LRRC36: variants seen among roughly 807,000 people sequenced by gnomAD.
LRRC36 encodes the protein leucine-rich repeat-containing protein 36.
A neutral mutation model predicts 81.1 loss-of-function variants in LRRC36; 62 were observed. The observed-to-expected ratio is 0.76, with a 90% CI of 0.62 to 0.94. LRRC36 has a LOEUF of 0.94. Among genes scored for constraint, LRRC36 ranks in the 40% least tolerant of loss-of-function variants. The pLI, the probability that LRRC36 is intolerant of heterozygous loss-of-function variation, is 0.00. For missense variants in LRRC36, 761 were observed against 881.7 expected (o/e 0.86, Z 1.73); for synonymous variants, 334 against 348.6 (o/e 0.96, Z 0.47).
intron 1 of LRRC36, among the ~76,000 whole-genome samples, chr16:67,329,248 GT>G (rs2037356530): frequency 6.6e-6 from 1 of 152,056 alleles, no homozygotes; most frequent in Non-Finnish European, 1.5e-5. Context: ...TTAAAAAAAA[GT>G]CACATATGCA....
rs143151682 is a variant in LRRC36 at position 67,385,056 on chromosome 16, C to A, written c.2232C>A (p.Ser744Arg). The A allele has an allele frequency of 2.5e-6, 4 of 1,613,884 alleles. No homozygotes were observed. The highest frequency in any genetic ancestry group is 3.4e-6 in the Non-Finnish European group (4 of 1,179,996). ...AHETGQYLIQ[S>R]VLDAAPEPGL Reference sequence around the variant, plus strand: ...AGACTGGTCAGTATCTAATACAGAGCGTCTTGGATGCTGCCCCAGAGCCTG... The same window carrying A: ...AGACTGGTCAGTATCTAATACAGAGAGTCTTGGATGCTGCCCCAGAGCCTG... The change falls in exon 14 of 14, where the codon AGC becomes AGA. Residue 744 changes from serine to arginine, a missense_variant. Around this residue, in one of 3 missense-constraint regions of LRRC36, gnomAD observed 359 missense variants for 388.4 expected, o/e 0.92. Transcript: ENST00000329956.
At chr16:67,362,397 A>G (rs1240569612) in intron 5 of LRRC36, 4 of 269,602 alleles carry the variant, frequency 1.5e-5, no homozygotes, top group Non-Finnish European at 3.0e-5. Context: ...TCCTGACCTC[A>G]TCATCCGCCC....
intron 5 of LRRC36, among the ~76,000 whole-genome samples, chr16:67,357,148 CA>C (rs2038938764): frequency 6.6e-6 from 1 of 152,014 alleles, no homozygotes; most frequent in South Asian, 2.1e-4. Context: ...AGCCTGGATA[CA>C]AAACATGAAG....
At chr16:67,366,189 G>A (rs940491719) in intron 7 of LRRC36, among the ~76,000 whole-genome samples, 1 of 150,754 alleles carries the variant, frequency 6.6e-6, no homozygotes, top group Non-Finnish European at 1.5e-5. Context: ...TTCTCAATCT[G>A]TTGCCCAGGC....
intron 8 of LRRC36, 144 bp downstream of exon 8, chr16:67,367,601 T>C: frequency 1.4e-6 from 1 of 706,116 alleles, no homozygotes; most frequent in Non-Finnish European, 2.4e-6. Flanking sequence ...TCTTGGAACC[T>C]CGAGAAATCT....
chr16:67,365,202 T>C, intron 6 of LRRC36, 102 bp from the exon 7 acceptor site: 1 of 682,274 alleles, frequency 1.5e-6, no homozygotes, highest in South Asian at 1.8e-5. Context: ...GCAAGGATAG[T>C]CTTTCCCATT....
chr16:67,366,254 C>T (rs761848219), intron 7 of LRRC36, among the ~76,000 whole-genome samples: 6 of 151,966 alleles, frequency 3.9e-5, no homozygotes, highest in Non-Finnish European at 8.8e-5. Flanking sequence ...AACTTCTGGG[C>T]TCAAGCAATC....
At chr16:67,369,585 C>A (rs1358128358) in intron 8 of LRRC36, among the ~76,000 whole-genome samples, 1 of 152,166 alleles carries the variant, frequency 6.6e-6, no homozygotes, top group Admixed American at 6.5e-5. Context: ...TGTTCTCACA[C>A]TGCTAATAAA....
intron 11 of LRRC36, among the ~76,000 whole-genome samples, chr16:67,377,835 A>G (rs947547021): frequency 1.3e-5 from 2 of 150,718 alleles, no homozygotes; most frequent in African/African-American, 4.9e-5. Context: ...AGGTTTCACC[A>G]TGTTGGCCAG....
intron 5 of LRRC36, chr16:67,362,330 T>C (rs1487110230): frequency 3.1e-6 from 1 of 323,954 alleles, no homozygotes; most frequent in Non-Finnish European, 6.1e-6. Context: ...GCCCAGCTAA[T>C]TTTTGTATTT....
chr16:67,379,594 G>A (rs2040037724), intron 12 of LRRC36, among the ~76,000 whole-genome samples: 1 of 152,126 alleles, frequency 6.6e-6, no homozygotes, highest in South Asian at 2.1e-4. Flanking sequence ...GCAAGTCCCT[G>A]TAATCCCAGC....
At chr16:67,350,948 G>A (rs2038600762) in intron 5 of LRRC36, among the ~76,000 whole-genome samples, 1 of 152,164 alleles carries the variant, frequency 6.6e-6, no homozygotes, top group African/African-American at 2.4e-5. Flanking sequence ...TGAGGCAGGA[G>A]AATCACTTGA....
intron 12 of LRRC36, among the ~76,000 whole-genome samples, chr16:67,380,659 T>C (rs529951803): frequency 6.6e-6 from 1 of 152,336 alleles, no homozygotes; most frequent in East Asian, 1.9e-4. Flanking sequence ...AATCAAGATA[T>C]CAGTCTCCAC....
Position 67,376,733 on chromosome 16 carries a change from C to A in LRRC36, c.1667C>A (p.Ala556Asp). 6.2e-7 allele frequency: 1 copy of A among 1,611,172 alleles called. No homozygotes were observed. The highest frequency in any genetic ancestry group is 8.5e-7 in the Non-Finnish European group (1 of 1,177,638). The change falls in exon 11 of 14, where the codon GCC (alanine) becomes GAC (aspartate). Residue 556 changes from alanine (A) to aspartate (D), a missense_variant. Ala to Asp is a moderately radical substitution (Grantham distance 126). Coordinates refer to ENST00000329956, the MANE Select transcript of LRRC36 (RefSeq NM_018296.6). ...LLLNKKFLGP[A>D]RDLLLSLVVP... is the part of the protein sequence containing the mutation. ...CATCCTGAATTTTTGGCAGGTCCTG[C>A]CCGAGATTTGCTTCTGTCTTTGGTA...
At chr16:67,356,778 CTT>C (rs1196060702) in intron 5 of LRRC36, among the ~76,000 whole-genome samples, 1 of 152,046 alleles carries the variant, frequency 6.6e-6, no homozygotes, top group South Asian at 2.1e-4. Context: ...CAAAACAACA[CTT>C]TAGTTGGGCA....
chr16:67,358,846 C>T (rs965300921), intron 5 of LRRC36, among the ~76,000 whole-genome samples: 1 of 152,100 alleles, frequency 6.6e-6, no homozygotes, highest in Non-Finnish European at 1.5e-5. Flanking sequence ...GATACCACTT[C>T]ACATCCACTA....
At chr16:67,327,485 T>A (rs2037248182) in intron 1 of LRRC36, among the ~76,000 whole-genome samples, 1 of 151,982 alleles carries the variant, frequency 6.6e-6, no homozygotes, top group African/African-American at 2.4e-5. Flanking sequence ...AGAGCGAGAC[T>A]CCATCTCAAA....
At chr16:67,336,824 G>T (rs1462937858) in intron 1 of LRRC36, 1 of 151,776 alleles carries the variant, frequency 6.6e-6, no homozygotes, top group Non-Finnish European at 1.5e-5. Context: ...TTGGAGTGCA[G>T]TGGTGCCATC....
intron 11 of LRRC36, among the ~76,000 whole-genome samples, chr16:67,377,680 G>T (rs1192221847): frequency 2.1e-5 from 3 of 144,046 alleles, no homozygotes; most frequent in Admixed American, 7.0e-5. Flanking sequence ...TGTCACTCAG[G>T]CTGAAGTGCA....
Sources: allele counts gnomAD v4.1 joint callset (sites outside exome capture counted in the v4.1 genomes callset), GRCh38; gene constraint gnomAD v4.1.1; regional missense constraint gnomAD v4.1.1; transcripts MANE v1.5; gene names NCBI Gene and HGNC (gene_info 2026-07-23, HGNC 2026-07-21).